Variants in ZNF717 observed in about 807,000 individuals in gnomAD.
ZNF717 encodes zinc finger protein 717, also known as krueppel-like factor X17.
A neutral mutation model predicts 13.8 loss-of-function variants in ZNF717; 9 were observed. The ratio of observed to expected loss-of-function variants is 0.65; its 90% CI spans 0.39 to 1.14. The LOEUF (loss-of-function observed/expected upper bound fraction) is 1.14, where lower values mean the gene tolerates loss of function less well. Among genes scored for constraint, ZNF717 ranks in the 50% most tolerant of loss-of-function variants. ZNF717 has a pLI of 0.01. For synonymous variants in ZNF717, 327 were observed against 364.1 expected (o/e 0.90, Z 1.16); for missense variants, 1,040 against 1,080.7 (o/e 0.96, Z 0.53).
chr3:75,757,817 C>T (rs921438967), intron 2 of ZNF717, among the ~76,000 whole-genome samples: 28 of 151,916 alleles, frequency 1.8e-4, no homozygotes, highest in African/African-American at 6.8e-4. Flanking sequence ...AAAATAGCAA[C>T]ATTAGGAGAA....
At chr3:75,716,180 C>A (rs1938047810) in intron 5 of ZNF717, among the ~76,000 whole-genome samples, 2 of 151,118 alleles carry the variant, frequency 1.3e-5, no homozygotes, top group African/African-American at 4.9e-5. Flanking sequence ...GAGGTTTCAC[C>A]ATGTTGGCCA....
chr3:75,744,548 G>A (rs1940915528), intron 2 of ZNF717, among the ~76,000 whole-genome samples: 1 of 152,198 alleles, frequency 6.6e-6, no homozygotes, highest in Non-Finnish European at 1.5e-5. Flanking sequence ...ACCAACTTTG[G>A]AACCCGTGCT....
chr3:75,704,668 C>T (rs1405215711), downstream of ZNF717, among the ~76,000 whole-genome samples: 7 of 151,958 alleles, frequency 4.6e-5, no homozygotes, highest in Non-Finnish European at 8.8e-5. Flanking sequence ...GGACTGTCCA[C>T]CTTCCGCTCT....
downstream of ZNF717, among the ~76,000 whole-genome samples, chr3:75,709,337 C>G (rs548942819): frequency 2.6e-5 from 4 of 152,204 alleles, no homozygotes; most frequent in East Asian, 7.7e-4. Flanking sequence ...CACATGAACT[C>G]TGGGTGAGAA....
rs1332862560 is a variant in ZNF717, at chr3:75,750,082, A to G, written c.58-8346T>C. The stretch of plus-strand genomic sequence containing the variant: ...GGGTCTGAATGTTTGTCCCTCACAT[A>G]GGATACCAGTACCCTGCTGCTAGGG... On this transcript the variant is annotated intron_variant, in intron 2 of 4. Transcript: ENST00000652011. Among the ~76,000 whole-genome samples, 511 of 151,534 alleles carry G rather than the reference A, an allele frequency of 3.4e-3. 4 individuals carry two copies. The highest frequency in any genetic ancestry group is 5.4e-3 in the Non-Finnish European group (368 of 67,946).
At chr3:75,731,869 G>T (rs1187805936), downstream of ZNF717, among the ~76,000 whole-genome samples, 1 of 152,266 alleles carries the variant, frequency 6.6e-6, no homozygotes, top group East Asian at 1.9e-4. Flanking sequence ...GAGAGATAGA[G>T]AAGTGAATAT....
intron 2 of ZNF717, among the ~76,000 whole-genome samples, chr3:75,772,395 CAAG>C (rs748384995): frequency 7.9e-4 from 121 of 152,228 alleles, no homozygotes; most frequent in Non-Finnish European, 1.3e-3. Flanking sequence ...AAATTGCAGG[CAAG>C]AAGGAGAGAA....
intron 5 of ZNF717, among the ~76,000 whole-genome samples, chr3:75,714,147 C>T (rs1487415823): frequency 2.0e-5 from 3 of 152,048 alleles, no homozygotes; most frequent in Admixed American, 2.0e-4. Context: ...GGTCAGGCCT[C>T]CGGATAACTG....
chr3:75,737,716 G>A lies in ZNF717; in HGVS notation c.1907C>T (p.Thr636Ile), dbSNP rs1295893450. 4 of 1,544,572 alleles carry A rather than the reference G, an allele frequency of 2.6e-6. No homozygotes were observed. Among genetic ancestry groups the A allele is most frequent in the Admixed American group, 2.0e-5 (1 of 50,612 alleles). The change falls in exon 5 of 5, where the codon ACC becomes ATC. Residue 636 changes from threonine to isoleucine, a missense_variant. Thr to Ile is a moderately conservative substitution (Grantham distance 89). Transcript: ENST00000652011. ...KTFRQKSNLS[T>I]HQGTHTGEKP... ...CTCTCCTGTGTGAGTTCCCTGATGGGTGCTGAGATTTGACTTCTGACGAAA... is the reference window on the plus strand; with the variant it reads ...CTCTCCTGTGTGAGTTCCCTGATGGATGCTGAGATTTGACTTCTGACGAAA...
chr3:75,718,324 C>G (rs79633753), intron 4 of ZNF717, among the ~76,000 whole-genome samples: 1 of 152,056 alleles, frequency 6.6e-6, no homozygotes, highest in Admixed American at 6.5e-5. Context: ...GGAAGACATT[C>G]GGCTGGGCTC....
downstream of ZNF717, among the ~76,000 whole-genome samples, chr3:75,731,812 T>G (rs1368992869): frequency 1.3e-5 from 2 of 152,200 alleles, no homozygotes; most frequent in South Asian, 4.1e-4. Flanking sequence ...CTTTTTGGAT[T>G]TGAATGTGAA....
chr3:75,731,844 C>CT (rs1291378861), downstream of ZNF717, among the ~76,000 whole-genome samples: 2 of 152,252 alleles, frequency 1.3e-5, no homozygotes, highest in Non-Finnish European at 2.9e-5. Flanking sequence ...GGGCAAACCA[C>CT]TGCCCCCAAG....
chr3:75,773,273 C>T (rs1342068446), intron 2 of ZNF717, among the ~76,000 whole-genome samples: 7 of 152,320 alleles, frequency 4.6e-5, no homozygotes, highest in East Asian at 1.9e-4. Flanking sequence ...AAATAGGATC[C>T]TTAATTTCTG....
chr3:75,764,847 C>A (rs1943307028), intron 2 of ZNF717, among the ~76,000 whole-genome samples: 1 of 152,038 alleles, frequency 6.6e-6, no homozygotes, highest in Non-Finnish European at 1.5e-5. Context: ...ATGATCCAGC[C>A]ATCCAACTTC....
chr3:75,766,704 C>A (rs1213869433), intron 2 of ZNF717, among the ~76,000 whole-genome samples: 1 of 152,254 alleles, frequency 6.6e-6, no homozygotes. Flanking sequence ...ATTTATGAAG[C>A]ACACAGTTGA....
At chr3:75,772,136 A>AT (rs1943943731) in intron 2 of ZNF717, among the ~76,000 whole-genome samples, 1 of 148,624 alleles carries the variant, frequency 6.7e-6, no homozygotes. Flanking sequence ...GCTACCCACC[A>AT]TGGGTCTCCT....
At chr3:75,723,250 T>TTTTTTA in intron 4 of ZNF717, among the ~76,000 whole-genome samples, 1 of 74,216 alleles carries the variant, frequency 1.3e-5, no homozygotes, top group Non-Finnish European at 3.4e-5. Flanking sequence ...CAATCTCACT[T>TTTTTTA]TTTTTTTTTT....
In ZNF717 at chr3:75,767,183, C is replaced by A. The variant is rs12493900; in HGVS notation, c.57+16123G>T. On this transcript the variant is annotated intron_variant, in intron 2 of 4. Transcript: ENST00000652011. ...TGAGACCCCCATGATGGAAACCATA[C>A]GGCCAGTCCACGACTAGCTACACTC... Among the ~76,000 whole-genome samples the A allele has an allele frequency of 2.0e-5, 3 of 152,172 alleles. No individual in the cohort carries two copies. In the South Asian group the frequency reaches 6.2e-4, roughly 31 times the overall value.
downstream of ZNF717, among the ~76,000 whole-genome samples, chr3:75,735,495 C>CTTGTAGTCCTAGCTAACTGCATAT (rs1939059552): frequency 6.9e-6 from 1 of 145,254 alleles, no homozygotes; most frequent in African/African-American, 2.6e-5. Context: ...GTGGTGCATA[C>CTTGTAGTCCTAGCTAACTGCATAT]TTGTAGTCCT....
Sources: gnomAD v4.1 joint callset for allele counts (sites outside exome capture counted in the v4.1 genomes callset) on GRCh38, gnomAD v4.1.1 for gene constraint, MANE v1.5 for transcripts, NCBI Gene and HGNC (gene_info 2026-07-23, HGNC 2026-07-21) for gene names.